The following TMEM132C variants were observed in gnomAD, a reference collection of about 807,000 sequenced individuals.
TMEM132C encodes the protein protein phosphatase 1, regulatory subunit 152.
In TMEM132C, 29 loss-of-function variants were observed where a neutral mutation model predicts 61.4. That is an observed-to-expected ratio of 0.47 (90% CI 0.35 to 0.64). The LOEUF is 0.64. Ranked by LOEUF, TMEM132C falls within the 30% of genes least tolerant of loss-of-function variation. The pLI, the probability that TMEM132C is intolerant of heterozygous loss-of-function variation, is 0.00. For synonymous variants in TMEM132C, 656 were observed against 633.1 expected, an observed-to-expected ratio of 1.04 and a Z score of -0.54; for missense variants, 1,408 against 1,476.9, an observed-to-expected ratio of 0.95 and a Z score of 0.76.
At chr12:128,459,150 A>C (rs905562467) in intron 2 of TMEM132C, among the ~76,000 whole-genome samples, 4 of 152,198 alleles carry the variant, frequency 2.6e-5, no homozygotes, top group African/African-American at 9.6e-5. Context: ...TTTGGAGAGA[A>C]TGGGGAATAG....
chr12:128,534,265 G>A (rs886716450), intron 2 of TMEM132C, among the ~76,000 whole-genome samples: 3 of 152,152 alleles, frequency 2.0e-5, no homozygotes, highest in African/African-American at 7.2e-5. Context: ...AGTGATCAAC[G>A]TGCCTTGTAG....
At chr12:128,610,978 C>A (rs74938355) in intron 3 of TMEM132C, among the ~76,000 whole-genome samples, 2,226 of 152,240 alleles carry the variant, frequency 0.015, 54 homozygotes, top group African/African-American at 0.051. Context: ...AACCCTAAAG[C>A]CACTGAGCCT....
chr12:128,508,836 A>G (rs982271093), intron 2 of TMEM132C, among the ~76,000 whole-genome samples: 4 of 152,202 alleles, frequency 2.6e-5, no homozygotes, highest in Admixed American at 6.5e-5. Context: ...CATGAGGGTC[A>G]TCATATCATA....
At position 128,474,746 on chromosome 12, in the gene TMEM132C, A is replaced by G. The variant is rs148037609; in HGVS notation, c.974+59126A>G. Among the ~76,000 whole-genome samples the G allele has an allele frequency of 8.9e-4, 136 of 152,288 alleles. 1 individual carries two copies. Among genetic ancestry groups the G allele is most frequent in the African/African-American group, 2.9e-3 (122 of 41,554 alleles). Reference sequence around the variant, plus strand: ...CCTTATTTTTGTTATGAATTCTGGAATTATGAATATGTCTCTCCTTTGAGC... The same window carrying G: ...CCTTATTTTTGTTATGAATTCTGGAGTTATGAATATGTCTCTCCTTTGAGC... On this transcript the variant is annotated intron_variant, in intron 2 of 8. Transcript: ENST00000435159.
chr12:128,336,972 T>G (rs1295296957), intron 1 of TMEM132C, among the ~76,000 whole-genome samples: 1 of 152,212 alleles, frequency 6.6e-6, no homozygotes, highest in Non-Finnish European at 1.5e-5. Flanking sequence ...GTTTTTATTT[T>G]ATCTACATTT....
At chr12:128,604,348 A>G (rs573967725) in intron 3 of TMEM132C, among the ~76,000 whole-genome samples, 1 of 150,092 alleles carries the variant, frequency 6.7e-6, no homozygotes, top group East Asian at 1.9e-4. Context: ...AGATGGATGG[A>G]TAGATAGATG....
intron 2 of TMEM132C, among the ~76,000 whole-genome samples, chr12:128,429,477 A>C (rs1220823680): frequency 6.6e-6 from 1 of 152,146 alleles, no homozygotes; most frequent in Non-Finnish European, 1.5e-5. Flanking sequence ...GTGCCCGGGA[A>C]CATGGGCTGC....
chr12:128,637,601 GC>G (rs1383620799), intron 4 of TMEM132C, among the ~76,000 whole-genome samples: 4 of 152,174 alleles, frequency 2.6e-5, no homozygotes, highest in African/African-American at 9.7e-5. Flanking sequence ...ATGGGGTCTT[GC>G]TACATTGCCC....
intron 2 of TMEM132C, among the ~76,000 whole-genome samples, chr12:128,491,814 T>C (rs1364876465): frequency 6.6e-6 from 1 of 151,708 alleles, no homozygotes; most frequent in Non-Finnish European, 1.5e-5. Flanking sequence ...TGTCCTCTTA[T>C]GGACCACTTG....
At chr12:128,688,670 GATC>G (rs1954696300) in intron 5 of TMEM132C, among the ~76,000 whole-genome samples, 1 of 152,098 alleles carries the variant, frequency 6.6e-6, no homozygotes, top group African/African-American at 2.4e-5. Flanking sequence ...GATACAGAAG[GATC>G]CAGCAAGGCT....
intron 1 of TMEM132C, among the ~76,000 whole-genome samples, chr12:128,284,108 C>T (rs1870982596): frequency 6.6e-6 from 1 of 152,162 alleles, no homozygotes; most frequent in African/African-American, 2.4e-5. Flanking sequence ...AGCACGTTGA[C>T]CAGAGAGGAC....
At chr12:128,685,874 C>G (rs1278802028) in intron 5 of TMEM132C, among the ~76,000 whole-genome samples, 1 of 152,126 alleles carries the variant, frequency 6.6e-6, no homozygotes, top group African/African-American at 2.4e-5. Context: ...TAATAGTGCC[C>G]TCCTGTGTTT....
chr12:128,322,907 A>G (rs1872381287), intron 1 of TMEM132C, among the ~76,000 whole-genome samples: 1 of 152,216 alleles, frequency 6.6e-6, no homozygotes, highest in Non-Finnish European at 1.5e-5. Context: ...CCCAGGGAAG[A>G]TTAAATATGC....
At chr12:128,446,063 G>A (rs2136052559) in intron 2 of TMEM132C, among the ~76,000 whole-genome samples, 1 of 152,310 alleles carries the variant, frequency 6.6e-6, no homozygotes, top group South Asian at 2.1e-4. Flanking sequence ...GGGATGGTGT[G>A]AGACTTGTCA....
chr12:128,389,480 C>T lies in TMEM132C; in HGVS notation c.86-25252C>T, dbSNP rs889854215. Among the ~76,000 whole-genome samples the T allele has an allele frequency of 1.7e-4, 26 of 152,104 alleles. 1 individual carries two copies. Among genetic ancestry groups the T allele is most frequent in the African/African-American group, 4.6e-4 (19 of 41,398 alleles). On this transcript the variant is annotated intron_variant, in intron 1 of 8. Coordinates refer to ENST00000435159, the MANE Select transcript of TMEM132C (RefSeq NM_001136103.3). ...CAGAGAGCTCAACACCACCCAACAC[C>T]GCATGCCTGCATTCTGTTTTCTCCC... is the stretch of plus-strand genomic sequence containing the variant.
intron 1 of TMEM132C, among the ~76,000 whole-genome samples, chr12:128,369,697 C>T (rs781151770): frequency 6.6e-6 from 1 of 152,202 alleles, no homozygotes; most frequent in Non-Finnish European, 1.5e-5. Context: ...TCTCAAGTTT[C>T]AGCCTTGGGA....
intron 3 of TMEM132C, among the ~76,000 whole-genome samples, chr12:128,587,315 G>T (rs556209708): frequency 6.6e-6 from 1 of 152,184 alleles, no homozygotes; most frequent in East Asian, 1.9e-4. Flanking sequence ...TTCTGTATCC[G>T]GTGAGGGCTC....
At chr12:128,554,124 T>C (rs1014017212) in intron 3 of TMEM132C, among the ~76,000 whole-genome samples, 1 of 152,240 alleles carries the variant, frequency 6.6e-6, no homozygotes, top group African/African-American at 2.4e-5. Context: ...ATCAGTCCCC[T>C]AGAGGGGCTG....
At chr12:128,427,428 G>GTGTA (rs1359402190) in intron 2 of TMEM132C, among the ~76,000 whole-genome samples, 7,840 of 128,666 alleles carry the variant, frequency 0.061, 235 homozygotes, top group Middle Eastern at 0.091. Context: ...GTGTGTGTGT[G>GTGTA]TATATATATT....
Sources: allele counts gnomAD v4.1 joint callset (sites outside exome capture counted in the v4.1 genomes callset), GRCh38; gene constraint gnomAD v4.1.1; transcripts MANE v1.5; gene names NCBI Gene and HGNC (gene_info 2026-07-23, HGNC 2026-07-21).